GRID1: variants seen among roughly 807,000 people sequenced by gnomAD.
GRID1 encodes the protein glutamate ionotropic receptor delta type subunit 1.
GRID1 carries 28 observed loss-of-function variants against 98.0 expected under a neutral mutation model. The observed-to-expected ratio is 0.29, with a 90% CI of 0.21 to 0.39. The LOEUF (loss-of-function observed/expected upper bound fraction) is 0.39. GRID1 is among the 10% of genes least tolerant of loss of function. The probability of loss-of-function intolerance (pLI) is 1.00; values close to 1 mark genes in which losing one functional copy is unlikely to be tolerated. For synonymous variants in GRID1, 553 were observed against 538.5 expected (o/e 1.03, Z -0.37); for missense variants, 1,111 against 1,340.5 (o/e 0.83, Z 2.67).
intron 2 of GRID1, among the ~76,000 whole-genome samples, chr10:86,299,868 G>A (rs890868653): frequency 6.6e-6 from 1 of 152,106 alleles, no homozygotes; most frequent in Non-Finnish European, 1.5e-5. Context: ...ACTGAAATTC[G>A]GCACTGCTGA....
chr10:85,690,855 ATAT>A (rs1204985567), intron 12 of GRID1, among the ~76,000 whole-genome samples: 1 of 149,820 alleles, frequency 6.7e-6, no homozygotes, highest in African/African-American at 2.5e-5. Context: ...TGATTTTCAA[ATAT>A]TATCAGCAGT....
chr10:85,865,912 CAT>C (rs375258556), intron 6 of GRID1, among the ~76,000 whole-genome samples: 24,152 of 82,828 alleles, frequency 0.29, 3,275 homozygotes, highest in East Asian at 0.47. Context: ...TACATATATA[CAT>C]ATATATATAT....
At chr10:85,868,252 C>T (rs1843241578) in intron 6 of GRID1, among the ~76,000 whole-genome samples, 1 of 152,212 alleles carries the variant, frequency 6.6e-6, no homozygotes. Context: ...TGAAAGTTTT[C>T]TGAGGCACCA....
intron 8 of GRID1, among the ~76,000 whole-genome samples, chr10:85,784,378 C>T (rs571501431): frequency 1.3e-5 from 2 of 152,334 alleles, no homozygotes; most frequent in South Asian, 4.1e-4. Context: ...GACCTCTAGA[C>T]AGAGGATCAG....
At chr10:86,212,409 G>A (rs1162807728) in intron 2 of GRID1, among the ~76,000 whole-genome samples, 2 of 152,236 alleles carry the variant, frequency 1.3e-5, no homozygotes, top group African/African-American at 4.8e-5. Context: ...AAATGGATGA[G>A]GCAAGAGAGA....
chr10:86,205,154 C>T (rs900417270), intron 3 of GRID1, among the ~76,000 whole-genome samples: 2 of 152,250 alleles, frequency 1.3e-5, no homozygotes, highest in African/African-American at 4.8e-5. Flanking sequence ...CTGAGGACAA[C>T]ATTCCAGTCT....
intron 8 of GRID1, among the ~76,000 whole-genome samples, chr10:85,770,146 G>A (rs755575589): frequency 3.3e-4 from 51 of 152,244 alleles, no homozygotes; most frequent in Admixed American, 8.5e-4. Flanking sequence ...AGGAACGATC[G>A]GACAGCAGCA....
intron 4 of GRID1, among the ~76,000 whole-genome samples, chr10:86,048,585 A>G (rs1189374250): frequency 6.6e-6 from 1 of 152,238 alleles, no homozygotes; most frequent in Non-Finnish European, 1.5e-5. Context: ...AAGCCCCAGC[A>G]CATGAGGCTC....
chr10:85,881,224 A>T (rs1841008659), intron 5 of GRID1, among the ~76,000 whole-genome samples: 1 of 152,206 alleles, frequency 6.6e-6, no homozygotes, highest in Admixed American at 6.5e-5. Flanking sequence ...ATTCAATGCC[A>T]TCCCCATCAA....
intron 4 of GRID1, among the ~76,000 whole-genome samples, chr10:86,110,379 T>A (rs1234322086): frequency 6.6e-6 from 1 of 152,142 alleles, no homozygotes; most frequent in African/African-American, 2.4e-5. Context: ...GGCTGCTGGG[T>A]CTGTCTGTGC....
At chr10:86,315,814 C>T (rs1233958431) in intron 2 of GRID1, among the ~76,000 whole-genome samples, 5 of 152,158 alleles carry the variant, frequency 3.3e-5, no homozygotes. Flanking sequence ...CCCCAACCTC[C>T]AATTCATCCA....
intron 3 of GRID1, 142 bp from the exon 4 acceptor site, chr10:86,139,166 A>C: frequency 1.5e-6 from 1 of 649,088 alleles, no homozygotes; most frequent in Non-Finnish European, 2.7e-6. Context: ...TGATTCCCGT[A>C]AACAGAGGTT....
chr10:85,808,969 T>C (rs531998351), intron 8 of GRID1, among the ~76,000 whole-genome samples: 2 of 152,256 alleles, frequency 1.3e-5, no homozygotes, highest in Admixed American at 6.5e-5. Flanking sequence ...ATATTATGCT[T>C]GTATGTCAAA....
intron 5 of GRID1, among the ~76,000 whole-genome samples, chr10:85,885,879 T>TATATTATATAATATAA (rs1841110507): frequency 6.6e-6 from 1 of 152,164 alleles, no homozygotes; most frequent in East Asian, 1.9e-4. Flanking sequence ...TAATAAAAAC[T>TATATTATATAATATAA]TAGATGAGGA....
At chr10:85,676,863 T>C (rs1841151003) in intron 12 of GRID1, among the ~76,000 whole-genome samples, 1 of 152,232 alleles carries the variant, frequency 6.6e-6, no homozygotes, top group Non-Finnish European at 1.5e-5. Context: ...GCTTACCAGA[T>C]TTAAGCACAA....
intron 8 of GRID1, among the ~76,000 whole-genome samples, chr10:85,766,732 G>GTGTC (rs1842201541): frequency 9.7e-6 from 1 of 102,840 alleles, no homozygotes; most frequent in Non-Finnish European, 2.3e-5. Flanking sequence ...GCAGATGATT[G>GTGTC]TGTGTGTGTG....
chr10:85,992,541 G>A (rs941204290), intron 4 of GRID1, among the ~76,000 whole-genome samples: 2 of 151,806 alleles, frequency 1.3e-5, no homozygotes, highest in African/African-American at 4.8e-5. Context: ...TTGGAGGTGG[G>A]AGGAAAGAGT....
At chr10:85,863,353 C>T (rs146614400) in intron 6 of GRID1, among the ~76,000 whole-genome samples, 1 of 152,178 alleles carries the variant, frequency 6.6e-6, no homozygotes, top group Non-Finnish European at 1.5e-5. Context: ...GGGCTCCCCC[C>T]CTCATCACCT....
At chr10:86,142,702 C>A (rs898706644) in intron 3 of GRID1, among the ~76,000 whole-genome samples, 1 of 152,226 alleles carries the variant, frequency 6.6e-6, no homozygotes, top group Non-Finnish European at 1.5e-5. Context: ...TTTACATAAG[C>A]ATGTGTACCA....
Sources: gnomAD v4.1 joint callset for allele counts (sites outside exome capture counted in the v4.1 genomes callset) on GRCh38, gnomAD v4.1.1 for gene constraint, MANE v1.5 for transcripts, NCBI Gene and HGNC (gene_info 2026-07-23, HGNC 2026-07-21) for gene names.